Variants in APP observed in about 807,000 individuals in gnomAD.
The protein encoded by APP is amyloid-beta precursor protein.
In APP, 31 loss-of-function variants were observed where a neutral mutation model predicts 101.4. That is an observed-to-expected ratio of 0.31 (90% CI 0.23 to 0.41). The LOEUF is 0.41. Ranked by LOEUF, APP falls within the 10% of genes least tolerant of loss-of-function variation. The pLI is 1.00. For missense variants in APP, 839 were observed against 1,003.7 expected, an observed-to-expected ratio of 0.84 and a Z score of 2.22; for synonymous variants, 366 against 364.4, an observed-to-expected ratio of 1.00 and a Z score of -0.05.
At chr21:26,064,712 T>C (rs1421557190) in intron 3 of APP, among the ~76,000 whole-genome samples, 1 of 152,130 alleles carries the variant, frequency 6.6e-6, no homozygotes, top group Non-Finnish European at 1.5e-5. Context: ...TCCACTTAAC[T>C]CATAACAAAG....
At chr21:26,158,652 A>G (rs1383704394) in intron 1 of APP, among the ~76,000 whole-genome samples, 1 of 152,228 alleles carries the variant, frequency 6.6e-6, no homozygotes, top group Non-Finnish European at 1.5e-5. Context: ...AAGAAAATGA[A>G]GTTCAAACTC....
intron 8 of APP, among the ~76,000 whole-genome samples, chr21:25,991,701 T>C (rs1007809572): frequency 6.6e-6 from 1 of 152,226 alleles, no homozygotes; most frequent in African/African-American, 2.4e-5. Flanking sequence ...ATAAAAGTAG[T>C]ATTATCGGAA....
chr21:26,155,370 C>A (rs2063353605), intron 1 of APP, among the ~76,000 whole-genome samples: 1 of 152,124 alleles, frequency 6.6e-6, no homozygotes, highest in African/African-American at 2.4e-5. Flanking sequence ...TTTATATTGA[C>A]CCCCTGTTGA....
intron 13 of APP, among the ~76,000 whole-genome samples, chr21:25,917,130 G>A (rs938944874): frequency 2.0e-5 from 3 of 151,992 alleles, no homozygotes; most frequent in Non-Finnish European, 2.9e-5. Context: ...GCATGGTGGC[G>A]GACGCCTGTA....
At chr21:25,997,272 A>G in intron 8 of APP, 88 bp downstream of exon 8, 1 of 1,273,552 alleles carries the variant, frequency 7.9e-7, no homozygotes, top group East Asian at 2.3e-5. Context: ...ACACAAAACC[A>G]TGCAAAGAAG....
At chr21:26,113,441 C>T (rs970667476) in intron 1 of APP, among the ~76,000 whole-genome samples, 6 of 152,184 alleles carry the variant, frequency 3.9e-5, no homozygotes, top group African/African-American at 1.2e-4. Flanking sequence ...TTCGTCAAAA[C>T]CCAACAGAGG....
At chr21:25,937,026 G>A (rs184705934) in intron 13 of APP, among the ~76,000 whole-genome samples, 2 of 152,178 alleles carry the variant, frequency 1.3e-5, no homozygotes, top group East Asian at 3.9e-4. Context: ...GGATTTGAAA[G>A]CACATGTGAC....
chr21:25,894,285 G>C (rs1569018219), intron 16 of APP, among the ~76,000 whole-genome samples: 1 of 152,150 alleles, frequency 6.6e-6, no homozygotes, highest in Non-Finnish European at 1.5e-5. Context: ...CAACTTTCAA[G>C]TCTTATTATT....
chr21:25,900,577 A>G (rs2038391821), intron 15 of APP, among the ~76,000 whole-genome samples: 1 of 151,566 alleles, frequency 6.6e-6, no homozygotes, highest in Non-Finnish European at 1.5e-5. Flanking sequence ...AAATAAATAA[A>G]TAAAAGATCT....
chr21:26,144,036 C>A (rs529425733), intron 1 of APP, among the ~76,000 whole-genome samples: 2 of 152,112 alleles, frequency 1.3e-5, no homozygotes, highest in African/African-American at 2.4e-5. Context: ...AGGAACCTTA[C>A]AATTAGGGTA....
At chr21:25,886,486 T>G (rs7282612) in intron 17 of APP, among the ~76,000 whole-genome samples, 1 of 151,936 alleles carries the variant, frequency 6.6e-6, no homozygotes, top group African/African-American at 2.4e-5. Flanking sequence ...CTCCATCTCC[T>G]GGGTTCAAGC....
intron 8 of APP, among the ~76,000 whole-genome samples, chr21:25,994,528 T>C (rs1310163820): frequency 1.3e-5 from 2 of 152,248 alleles, no homozygotes; most frequent in East Asian, 1.9e-4. Context: ...GTTTTTATAA[T>C]GCAAACCATC....
intron 3 of APP, among the ~76,000 whole-genome samples, chr21:26,085,803 G>C (rs1404399664): frequency 1.3e-5 from 2 of 152,082 alleles, no homozygotes; most frequent in African/African-American, 4.8e-5. Context: ...TCCTAAAATT[G>C]TATTAAAACA....
Position 25,938,165 on chromosome 21 carries a change from C to T in APP, c.1687+16425G>A, listed in dbSNP as rs1012622115. ...TTTCATAGCTAATAAGAAGTCTTAT[C>T]TTGGATAAATAAAACCTAGCCACTA... On this transcript the variant is annotated intron_variant, in intron 13 of 17. Coordinates refer to ENST00000346798, the MANE Select transcript of APP (RefSeq NM_000484.4). 3.9e-5 allele frequency among the ~76,000 whole-genome samples: 6 copies of T among 152,152 alleles called. No individual in the cohort carries two copies. In the East Asian group the frequency reaches 1.2e-3, roughly 29 times the overall value.
intron 13 of APP, chr21:25,942,669 A>G (rs2040626401): frequency 6.6e-6 from 1 of 152,228 alleles, no homozygotes; most frequent in African/African-American, 2.4e-5. Context: ...CATGGGAAGC[A>G]TTTAATACAT....
At chr21:26,001,994 G>A (rs1001169406) in intron 6 of APP, among the ~76,000 whole-genome samples, 1 of 152,204 alleles carries the variant, frequency 6.6e-6, no homozygotes, top group Non-Finnish European at 1.5e-5. Context: ...CGAAGTAGAT[G>A]GGATACTTAC....
chr21:26,069,646 T>C (rs1357646483), intron 3 of APP, among the ~76,000 whole-genome samples: 4 of 152,202 alleles, frequency 2.6e-5, no homozygotes, highest in Admixed American at 2.0e-4. Context: ...ACTGTGCTCT[T>C]CAAGAGCTTA....
intron 11 of APP, among the ~76,000 whole-genome samples, chr21:25,969,904 A>AAGAGG: frequency 2.3e-3 from 1 of 434 alleles, no homozygotes; most frequent in South Asian, 0.071. Flanking sequence ...TAGAGAAGAG[A>AAGAGG]AGAGGGGAGG....
chr21:25,971,845 T>A (rs2042044323), intron 11 of APP, among the ~76,000 whole-genome samples: 1 of 152,178 alleles, frequency 6.6e-6, no homozygotes, highest in Admixed American at 6.5e-5. Flanking sequence ...GATAACTGCT[T>A]CTATCCCACC....
Sources: allele counts gnomAD v4.1 joint callset (sites outside exome capture counted in the v4.1 genomes callset), GRCh38; gene constraint gnomAD v4.1.1; transcripts MANE v1.5; gene names NCBI Gene and HGNC (gene_info 2026-07-23, HGNC 2026-07-21).